Variants in PSPC1 observed in about 807,000 individuals in gnomAD.
PSPC1 encodes the protein paraspeckle protein 1.
A neutral mutation model predicts 51.6 loss-of-function variants in PSPC1; 14 were observed. The ratio of observed to expected loss-of-function variants is 0.27; its 90% CI spans 0.18 to 0.42. The LOEUF is 0.42. Ranked by LOEUF, PSPC1 falls within the 10% of genes least tolerant of loss-of-function variation. The probability of loss-of-function intolerance (pLI) is 1.00; values close to 1 mark genes in which losing one functional copy is unlikely to be tolerated. For synonymous variants in PSPC1, 193 were observed against 231.9 expected (o/e 0.83, Z 1.53); for missense variants, 406 against 701.1 (o/e 0.58, Z 4.75).
At position 19,730,232 on chromosome 13, in the gene PSPC1, T is replaced by G; in HGVS notation, c.1158+7A>C. On this transcript the variant is annotated splice_region_variant and intron_variant, in intron 6 of 8. Transcript: ENST00000338910. ...AAATCATTTTAGTTAACTAGTAGTT[T>G]ACTTACATTTTCCATGTAGTTTGGC... 6.3e-7 allele frequency: 1 copy of G among 1,597,636 alleles called. No individual in the cohort carries two copies.
chr13:19,773,804 C>T (rs1464020483), intron 1 of PSPC1, among the ~76,000 whole-genome samples: 1 of 151,882 alleles, frequency 6.6e-6, no homozygotes. Context: ...GGGTGCATGC[C>T]ACCAAGCATG....
chr13:19,720,076 C>A (rs1329628969), intron 6 of PSPC1, among the ~76,000 whole-genome samples: 2 of 152,078 alleles, frequency 1.3e-5, no homozygotes, highest in Non-Finnish European at 2.9e-5. Context: ...GCTTTTAAAA[C>A]CTAAAATTGA....
At chr13:19,715,870 TG>T (rs1394361202) in intron 6 of PSPC1, among the ~76,000 whole-genome samples, 6 of 151,884 alleles carry the variant, frequency 4.0e-5, no homozygotes, top group Admixed American at 3.3e-4. Context: ...AAAAATTAGC[TG>T]GGCATGGTGG....
At position 19,777,637 on chromosome 13, in the gene PSPC1, T is replaced by C. The variant is rs990606860; in HGVS notation, c.372+4749A>G. On this transcript the variant is annotated intron_variant, in intron 1 of 8. Transcript: ENST00000338910. Reference sequence around the variant, plus strand: ...CCTTCTCTTGAAGCCACTTACATGTTGAAGTGTTTGCCCTAAAAAATACAG... The same window carrying C: ...CCTTCTCTTGAAGCCACTTACATGTCGAAGTGTTTGCCCTAAAAAATACAG... Among the ~76,000 whole-genome samples, 5 of 151,950 alleles carry C rather than the reference T, an allele frequency of 3.3e-5. No individual in the cohort carries two copies. In the South Asian group the frequency reaches 1.0e-3, roughly 31 times the overall value.
intron 6 of PSPC1, among the ~76,000 whole-genome samples, chr13:19,680,356 C>T (rs903461768): frequency 2.0e-5 from 3 of 152,082 alleles, no homozygotes; most frequent in Admixed American, 1.3e-4. Context: ...CTTATTACTT[C>T]TATTCAATAT....
At chr13:19,711,510 C>T (rs575132391) in intron 6 of PSPC1, among the ~76,000 whole-genome samples, 8 of 152,034 alleles carry the variant, frequency 5.3e-5, no homozygotes, top group East Asian at 3.9e-4. Context: ...TGGTGGCAGG[C>T]GCCCGTAGTC....
intron 2 of PSPC1, among the ~76,000 whole-genome samples, chr13:19,765,484 G>A (rs977796044): frequency 1.0e-4 from 15 of 147,760 alleles, no homozygotes; most frequent in Admixed American, 8.9e-4. Context: ...GTAATTTTAA[G>A]AAAAGGGATC....
At chr13:19,684,309 T>C (rs765624299) in intron 6 of PSPC1, among the ~76,000 whole-genome samples, 5 of 152,220 alleles carry the variant, frequency 3.3e-5, no homozygotes, top group Non-Finnish European at 5.9e-5. Flanking sequence ...CATGATGGAC[T>C]ACGGTAACAA....
At chr13:19,673,801 G>C (rs1876314699), downstream of PSPC1, among the ~76,000 whole-genome samples, 1 of 152,234 alleles carries the variant, frequency 6.6e-6, no homozygotes, top group Admixed American at 6.5e-5. Context: ...CCTGAGCAAT[G>C]ATCCCTCTGG....
At chr13:19,685,592 T>G (rs1279226887) in intron 6 of PSPC1, among the ~76,000 whole-genome samples, 1 of 152,172 alleles carries the variant, frequency 6.6e-6, no homozygotes, top group Admixed American at 6.5e-5. Flanking sequence ...GAAAGAGCAC[T>G]GAAATTCAAC....
downstream of PSPC1, chr13:19,671,754 T>C: frequency 7.7e-7 from 1 of 1,298,690 alleles, no homozygotes; most frequent in Non-Finnish European, 1.1e-6. Context: ...GAAGCAAATC[T>C]TGGCCATTTG....
intron 6 of PSPC1, among the ~76,000 whole-genome samples, chr13:19,714,231 T>A (rs1881806813): frequency 6.6e-6 from 1 of 152,194 alleles, no homozygotes; most frequent in Non-Finnish European, 1.5e-5. Flanking sequence ...TTGAGGTGCA[T>A]GTTGAATGAA....
rs1187020315 is a variant in PSPC1, at chr13:19,779,285, G to GC, written c.372+3100_372+3101insG. Among the ~76,000 whole-genome samples the GC allele has an allele frequency of 9.0e-5, 8 of 88,660 alleles. 1 individual carries two copies. The highest frequency in any genetic ancestry group is 4.4e-4 in the East Asian group (1 of 2,262). 58.2% of individuals were successfully genotyped at this position (88,660 alleles called of 152,430 possible). A position where few individuals can be genotyped will look rare whatever the true frequency, so the allele number is the denominator to read the frequency against. ...ACCCCGTCCGGGAGGGAGGTGGGGG[G>GC]GGTCAGCCCCCCGCCCGGCCAGCCG... On this transcript the variant is annotated intron_variant, in intron 1 of 8. Coordinates refer to ENST00000338910, the MANE Select transcript of PSPC1 (RefSeq NM_001354909.2).
At chr13:19,746,432 A>C (rs1254422967) in intron 4 of PSPC1, among the ~76,000 whole-genome samples, 2 of 150,874 alleles carry the variant, frequency 1.3e-5, no homozygotes, top group Non-Finnish European at 3.0e-5. Flanking sequence ...AAAAAAAAAT[A>C]AATGTAATGG....
intron 2 of PSPC1, among the ~76,000 whole-genome samples, chr13:19,766,871 A>G (rs962966768): frequency 2.0e-5 from 3 of 151,884 alleles, no homozygotes; most frequent in African/African-American, 7.3e-5. Context: ...AAAAAAAGAA[A>G]AAAAAAAAGG....
chr13:19,682,744 G>C (rs1300489191), intron 6 of PSPC1, among the ~76,000 whole-genome samples: 2 of 152,030 alleles, frequency 1.3e-5, no homozygotes, highest in Non-Finnish European at 2.9e-5. Flanking sequence ...AAATTACTTG[G>C]CAGTTTCTAA....
At chr13:19,674,712 A>G (rs1276261609), downstream of PSPC1, 1 of 152,262 alleles carries the variant, frequency 6.6e-6, no homozygotes, top group Non-Finnish European at 1.5e-5. Flanking sequence ...GGAGACATAG[A>G]GCAGACTATG....
intron 6 of PSPC1, among the ~76,000 whole-genome samples, chr13:19,716,238 A>T (rs1882075520): frequency 6.6e-6 from 1 of 152,160 alleles, no homozygotes; most frequent in African/African-American, 2.4e-5. Flanking sequence ...CTCAACACGT[A>T]TATTTTGTGG....
At chr13:19,679,776 G>T (rs776508576) in intron 6 of PSPC1, among the ~76,000 whole-genome samples, 2 of 152,262 alleles carry the variant, frequency 1.3e-5, no homozygotes, top group Admixed American at 6.5e-5. Context: ...AGGAACAACT[G>T]TTTATGCCTT....
Sources: allele counts gnomAD v4.1 joint callset (sites outside exome capture counted in the v4.1 genomes callset), GRCh38; gene constraint gnomAD v4.1.1; transcripts MANE v1.5; gene names NCBI Gene and HGNC (gene_info 2026-07-23, HGNC 2026-07-21).